Variants in CNTNAP2 observed in about 807,000 individuals in gnomAD.
CNTNAP2 encodes the protein contactin associated protein 2.
In CNTNAP2, 98 loss-of-function variants were observed where a neutral mutation model predicts 155.2. The observed-to-expected ratio is 0.63, with a 90% CI of 0.54 to 0.75. The LOEUF (loss-of-function observed/expected upper bound fraction) is 0.75. Among genes scored for constraint, CNTNAP2 ranks in the 30% least tolerant of loss-of-function variants. The pLI, the probability that CNTNAP2 is intolerant of heterozygous loss-of-function variation, is 0.00. For missense variants in CNTNAP2, 1,727 were observed against 1,688.1 expected (o/e 1.02, Z -0.40); for synonymous variants, 651 against 631.2 (o/e 1.03, Z -0.47).
intron 1 of CNTNAP2, among the ~76,000 whole-genome samples, chr7:146,757,233 A>C (rs1484943718): frequency 6.6e-6 from 1 of 152,096 alleles, no homozygotes; most frequent in Non-Finnish European, 1.5e-5. Flanking sequence ...AGCGTGTCCT[A>C]GGCTTTTTTG....
chr7:147,057,303 G>A (rs1219894078), intron 4 of CNTNAP2, among the ~76,000 whole-genome samples: 1 of 152,002 alleles, frequency 6.6e-6, no homozygotes, highest in Admixed American at 6.6e-5. Context: ...TCCATCACCT[G>A]ACCTTCCATA....
At chr7:147,992,012 T>C (rs1222640074) in intron 15 of CNTNAP2, among the ~76,000 whole-genome samples, 2 of 151,420 alleles carry the variant, frequency 1.3e-5, no homozygotes, top group African/African-American at 4.9e-5. Flanking sequence ...AGTTCTGTTA[T>C]AGCAGTCTTA....
chr7:147,642,721 T>C (rs80181700), intron 13 of CNTNAP2, among the ~76,000 whole-genome samples: 6,048 of 152,188 alleles, frequency 0.04, 373 homozygotes, highest in Admixed American at 0.15. Context: ...AGTAAATATA[T>C]CACTTTCTTT....
At chr7:147,650,623 G>T (rs1240090259) in intron 13 of CNTNAP2, among the ~76,000 whole-genome samples, 1 of 152,046 alleles carries the variant, frequency 6.6e-6, no homozygotes. Context: ...TAAGGATACA[G>T]AATATAATAT....
intron 14 of CNTNAP2, among the ~76,000 whole-genome samples, chr7:147,973,000 A>C (rs1801360714): frequency 6.6e-6 from 1 of 151,920 alleles, no homozygotes; most frequent in African/African-American, 2.4e-5. Context: ...TACAAAAAAA[A>C]CATTTAAAAC....
intron 23 of CNTNAP2, among the ~76,000 whole-genome samples, chr7:148,412,482 C>A (rs936047754): frequency 6.6e-6 from 1 of 152,208 alleles, no homozygotes; most frequent in African/African-American, 2.4e-5. Flanking sequence ...CTTACTATTT[C>A]ATTAATTTCA....
intron 13 of CNTNAP2, among the ~76,000 whole-genome samples, chr7:147,754,173 C>A (rs1173687051): frequency 6.6e-6 from 1 of 152,182 alleles, no homozygotes; most frequent in Non-Finnish European, 1.5e-5. Context: ...ATGGCTGCAA[C>A]TGATTAAAAC....
At chr7:146,710,282 T>A (rs981781369) in intron 1 of CNTNAP2, among the ~76,000 whole-genome samples, 9 of 152,166 alleles carry the variant, frequency 5.9e-5, no homozygotes, top group African/African-American at 2.2e-4. Context: ...CAGAATTTTG[T>A]CTCAAGGGAA....
Position 147,789,978 on chromosome 7 carries a change from T to C in CNTNAP2, c.2099-113587T>C, listed in dbSNP as rs532272749. Among the ~76,000 whole-genome samples, 22 of 152,328 alleles carry C rather than the reference T, an allele frequency of 1.4e-4. No individual in the cohort carries two copies. In the South Asian group the frequency reaches 2.9e-3, roughly 20 times the overall value. ...TGCTCCTCAGCTTGCAGAAAGCCTA[T>C]TGTGGGACTTCACCTTGTGATTGTG... is the stretch of plus-strand genomic sequence containing the variant. On this transcript the variant is annotated intron_variant, in intron 13 of 23. Transcript: ENST00000361727.
chr7:147,110,181 T>A (rs936517056), intron 5 of CNTNAP2, among the ~76,000 whole-genome samples: 3 of 152,154 alleles, frequency 2.0e-5, no homozygotes, highest in African/African-American at 7.2e-5. Context: ...TGCCTTGGCC[T>A]TCCAAAGTGC....
intron 1 of CNTNAP2, among the ~76,000 whole-genome samples, chr7:146,291,864 G>A (rs928429105): frequency 5.3e-5 from 8 of 151,942 alleles, no homozygotes; most frequent in Non-Finnish European, 1.0e-4. Context: ...AACAATAACA[G>A]CAAAGATAGA....
intron 6 of CNTNAP2, among the ~76,000 whole-genome samples, chr7:147,124,013 G>T (rs1186053459): frequency 6.6e-6 from 1 of 152,124 alleles, no homozygotes; most frequent in African/African-American, 2.4e-5. Flanking sequence ...TTGCACTCCA[G>T]CTTGGGCAAA....
intron 17 of CNTNAP2, among the ~76,000 whole-genome samples, chr7:148,151,088 G>A (rs1453173393): frequency 6.6e-5 from 10 of 152,076 alleles, no homozygotes. Flanking sequence ...TTGCCAAGTG[G>A]TCAGTCTTCT....
Position 147,300,437 on chromosome 7 carries a change from A to G in CNTNAP2, c.1498+147A>G. On this transcript the variant is annotated intron_variant, in intron 9 of 23. Coordinates refer to ENST00000361727, the MANE Select transcript of CNTNAP2 (RefSeq NM_014141.6). ...AACTGTAATTCCACTGAGCAAAACA[A>G]AAAAAGAAAAGGAAAAATTTTATTT... 3 of 916,018 alleles carry G rather than the reference A, an allele frequency of 3.3e-6. No homozygotes were observed. The East Asian group carries it at 7.9e-5, about 24-fold the overall frequency. The allele number at this position is 916,018 out of a possible 1,614,324, so 56.7% of individuals were successfully genotyped here. A position where few individuals can be genotyped will look rare whatever the true frequency, so the allele number is the denominator to read the frequency against.
chr7:147,768,246 G>A (rs147966042), intron 13 of CNTNAP2, among the ~76,000 whole-genome samples: 65 of 152,218 alleles, frequency 4.3e-4, no homozygotes, highest in African/African-American at 1.5e-3. Context: ...AGGCTAAAGG[G>A]GTTATGTTCT....
intron 1 of CNTNAP2, among the ~76,000 whole-genome samples, chr7:146,143,482 G>A (rs1430246757): frequency 6.6e-6 from 1 of 151,950 alleles, no homozygotes; most frequent in Admixed American, 6.6e-5. Flanking sequence ...ATTATGTCCA[G>A]TCTTCTGATT....
chr7:148,383,874 A>G lies in CNTNAP2; in HGVS notation c.3701A>G (p.Asp1234Gly). ...TCCGCCACCGACCCCTGGCACCTGG[A>G]TCACCTGGATTCAGGTAAAGTCTTC... ...MSSATDPWHL[D>G]HLDSASADFP... is the part of the protein sequence containing the mutation. Residue 1234 changes from aspartate to glycine, a missense_variant, in exon 22 of 24, where the codon GAT (aspartate) becomes GGT (glycine). Physicochemically the swap from Asp to Gly is moderately conservative, Grantham distance 94. Coordinates refer to ENST00000361727, the MANE Select transcript of CNTNAP2 (RefSeq NM_014141.6). 1 of 1,613,816 alleles carries G rather than the reference A, an allele frequency of 6.2e-7. No individual in the cohort carries two copies. The highest frequency in any genetic ancestry group is 8.5e-7 in the Non-Finnish European group (1 of 1,179,954).
intron 1 of CNTNAP2, among the ~76,000 whole-genome samples, chr7:146,733,855 A>G (rs1396579123): frequency 6.6e-6 from 1 of 152,136 alleles, no homozygotes; most frequent in African/African-American, 2.4e-5. Flanking sequence ...TTACTTGACC[A>G]TGTCCATGGT....
At chr7:146,172,574 TG>T (rs2116822386) in intron 1 of CNTNAP2, among the ~76,000 whole-genome samples, 1 of 152,270 alleles carries the variant, frequency 6.6e-6, no homozygotes, top group South Asian at 2.1e-4. Flanking sequence ...ATTCTGACTA[TG>T]ATGTGATTGA....
Sources: gnomAD v4.1 joint callset for allele counts (sites outside exome capture counted in the v4.1 genomes callset) on GRCh38, gnomAD v4.1.1 for gene constraint, MANE v1.5 for transcripts, NCBI Gene and HGNC (gene_info 2026-07-23, HGNC 2026-07-21) for gene names.